THEMIS: variants seen among roughly 807,000 people sequenced by gnomAD.
THEMIS encodes thymocyte selection associated.
A neutral mutation model predicts 52.6 loss-of-function variants in THEMIS; 37 were observed. The ratio of observed to expected loss-of-function variants is 0.70; its 90% confidence interval spans 0.54 to 0.93. The LOEUF is 0.93. Ranked by LOEUF, THEMIS falls within the 40% of genes least tolerant of loss-of-function variation. THEMIS has a pLI of 0.00. For synonymous variants in THEMIS, 292 were observed against 272.7 expected (o/e 1.07, Z -0.70); for missense variants, 808 against 763.1 (o/e 1.06, Z -0.69).
chr6:127,769,983 T>C (rs1160873915), intron 4 of THEMIS, among the ~76,000 whole-genome samples: 2 of 152,370 alleles, frequency 1.3e-5, no homozygotes, highest in Admixed American at 1.3e-4. Flanking sequence ...TAGTATTCCA[T>C]GGTGTATATT....
At chr6:127,705,655 G>A (rs1244968151), downstream of THEMIS, among the ~76,000 whole-genome samples, 2 of 152,096 alleles carry the variant, frequency 1.3e-5, no homozygotes, top group African/African-American at 2.4e-5. Context: ...AGCCAGCACC[G>A]CCACAGAGGG....
intron 4 of THEMIS, among the ~76,000 whole-genome samples, chr6:127,767,157 T>A (rs1475172125): frequency 1.3e-5 from 2 of 151,970 alleles, no homozygotes; most frequent in Admixed American, 6.6e-5. Context: ...AGTGGCACGA[T>A]CTTGACTCAC....
At chr6:127,845,313 A>T (rs1276953528) in intron 2 of THEMIS, among the ~76,000 whole-genome samples, 1 of 151,992 alleles carries the variant, frequency 6.6e-6, no homozygotes, top group Non-Finnish European at 1.5e-5. Flanking sequence ...ATGAGTTTAC[A>T]TACTTTAATA....
At chr6:127,888,833 CTTTCT>C (rs1438888398) in intron 1 of THEMIS, among the ~76,000 whole-genome samples, 1 of 152,048 alleles carries the variant, frequency 6.6e-6, no homozygotes, top group Non-Finnish European at 1.5e-5. Context: ...GATAAAATCA[CTTTCT>C]TATGAACATG....
intron 4 of THEMIS, among the ~76,000 whole-genome samples, chr6:127,809,344 G>A (rs1298977609): frequency 6.6e-6 from 1 of 152,064 alleles, no homozygotes; most frequent in Non-Finnish European, 1.5e-5. Flanking sequence ...ATGACTTTGT[G>A]AGAATAAGAA....
At chr6:127,868,749 T>C (rs905126495) in intron 1 of THEMIS, among the ~76,000 whole-genome samples, 4 of 152,188 alleles carry the variant, frequency 2.6e-5, no homozygotes, top group African/African-American at 9.6e-5. Context: ...TTGTTTTTCA[T>C]ATAGTGGTTG....
upstream of THEMIS, among the ~76,000 whole-genome samples, chr6:127,901,480 C>T (rs755407026): frequency 2.0e-5 from 3 of 152,012 alleles, no homozygotes; most frequent in Admixed American, 1.3e-4. Context: ...AAGTGCTTTG[C>T]GTCAGCTCTT....
chr6:127,738,901 T>C (rs543164790), intron 4 of THEMIS, among the ~76,000 whole-genome samples: 62 of 152,336 alleles, frequency 4.1e-4, no homozygotes, highest in African/African-American at 1.5e-3. Context: ...AAGTCCGGTG[T>C]ATTATATTAG....
chr6:127,719,585 C>A, intron 5 of THEMIS, 103 bp downstream of exon 5: 1 of 1,106,918 alleles, frequency 9.0e-7, no homozygotes, highest in South Asian at 1.8e-5. Flanking sequence ...TGGGCTGAGT[C>A]ATATATTCCA....
At chr6:127,776,030 T>C (rs1381163527) in intron 4 of THEMIS, among the ~76,000 whole-genome samples, 1 of 152,264 alleles carries the variant, frequency 6.6e-6, no homozygotes, top group East Asian at 1.9e-4. Flanking sequence ...TTTTTGTCTT[T>C]GACCCATGTA....
chr6:127,710,786 C>T (rs1391931725), intron 5 of THEMIS, among the ~76,000 whole-genome samples: 2 of 151,882 alleles, frequency 1.3e-5, no homozygotes, highest in Admixed American at 1.3e-4. Context: ...TACAAGTGGT[C>T]AAGAGGAACA....
At chr6:127,803,999 G>A (rs1777620993) in intron 4 of THEMIS, among the ~76,000 whole-genome samples, 1 of 152,152 alleles carries the variant, frequency 6.6e-6, no homozygotes, top group Admixed American at 6.5e-5. Context: ...ATTTCTGGTT[G>A]CTTTCCTTTA....
intron 2 of THEMIS, among the ~76,000 whole-genome samples, chr6:127,835,869 G>A (rs781497383): frequency 1.3e-5 from 2 of 152,136 alleles, no homozygotes; most frequent in African/African-American, 2.4e-5. Context: ...GCTTTGAGGA[G>A]CTTGTCCGAC....
At chr6:127,784,400 C>A (rs192764102) in intron 4 of THEMIS, among the ~76,000 whole-genome samples, 1 of 151,950 alleles carries the variant, frequency 6.6e-6, no homozygotes, top group Non-Finnish European at 1.5e-5. Context: ...AAAAAATTCC[C>A]TTTTTTCCAG....
chr6:127,855,107 T>G lies in THEMIS; in HGVS notation c.173A>C (p.Lys58Thr). The G allele has an allele frequency of 6.2e-7, 1 of 1,611,300 alleles. No homozygotes were observed. The highest frequency in any genetic ancestry group is 1.3e-5 in the African/African-American group (1 of 74,836). ...VIKITGLKVK[K>T]IIAEICEQIE... is the part of the protein sequence containing the mutation. The stretch of plus-strand genomic sequence containing the variant: ...CTGCTCACAAATTTCAGCTATGATC[T>G]TCTTAACTTTGAGACCAGTAATTTT... Residue 58 changes from lysine (K) to threonine (T), a missense_variant, in exon 2 of 6, where the codon AAG becomes ACG. Coordinates refer to ENST00000368248, the MANE Select transcript of THEMIS (RefSeq NM_001010923.3).
chr6:127,710,098 C>A, intron 5 of THEMIS, 82 bp from the exon 6 acceptor site: 1 of 934,528 alleles, frequency 1.1e-6, no homozygotes, highest in South Asian at 1.7e-5. Context: ...CAAATACTGT[C>A]GACACTCACA....
chr6:127,766,688 G>A (rs529561745), intron 4 of THEMIS, among the ~76,000 whole-genome samples: 2 of 152,214 alleles, frequency 1.3e-5, no homozygotes, highest in African/African-American at 4.8e-5. Flanking sequence ...GAATACTCTA[G>A]GCAGTGGTAA....
intron 2 of THEMIS, among the ~76,000 whole-genome samples, chr6:127,848,004 G>A (rs1033283626): frequency 6.7e-5 from 10 of 150,186 alleles, no homozygotes; most frequent in African/African-American, 2.5e-4. Flanking sequence ...TGCCATGTTG[G>A]TGTGCTGCAC....
At chr6:127,861,189 G>A (rs1287917761) in intron 1 of THEMIS, among the ~76,000 whole-genome samples, 1 of 152,058 alleles carries the variant, frequency 6.6e-6, no homozygotes, top group Admixed American at 6.6e-5. Flanking sequence ...GTTTTAGGAA[G>A]GACTTGGTTT....
Sources: gnomAD v4.1 joint callset for allele counts (sites outside exome capture counted in the v4.1 genomes callset) on GRCh38, gnomAD v4.1.1 for gene constraint, MANE v1.5 for transcripts, NCBI Gene and HGNC (gene_info 2026-07-23, HGNC 2026-07-21) for gene names.